The following MYO5A variants were observed in gnomAD, a reference collection of about 807,000 sequenced individuals.
The protein encoded by MYO5A is unconventional myosin-Va.
In MYO5A, 98 loss-of-function variants were observed where a neutral mutation model predicts 249.7. The ratio of observed to expected loss-of-function variants is 0.39; its 90% CI spans 0.33 to 0.46. MYO5A has a LOEUF of 0.46. Ranked by LOEUF, MYO5A falls within the 20% of genes least tolerant of loss-of-function variation. The probability of loss-of-function intolerance (pLI) is 0.98; values close to 1 mark genes in which losing one functional copy is unlikely to be tolerated. For missense variants in MYO5A, 1,696 were observed against 2,308.8 expected (o/e 0.73, Z 5.44); for synonymous variants, 778 against 810.6 (o/e 0.96, Z 0.68).
chr15:52,503,032 C>G (rs55710656), intron 1 of MYO5A, among the ~76,000 whole-genome samples: 22,854 of 152,066 alleles, frequency 0.15, 1,827 homozygotes, highest in Middle Eastern at 0.22. Flanking sequence ...GGCAAGGTAG[C>G]AGGGACGGGG....
intron 24 of MYO5A, among the ~76,000 whole-genome samples, chr15:52,360,850 C>G (rs2040485259): frequency 6.6e-6 from 1 of 152,114 alleles, no homozygotes; most frequent in Non-Finnish European, 1.5e-5. Flanking sequence ...AAAGGCTGGG[C>G]TCTTAGCATG....
At chr15:52,376,019 A>G (rs2041392055) in intron 19 of MYO5A, among the ~76,000 whole-genome samples, 1 of 152,270 alleles carries the variant, frequency 6.6e-6, no homozygotes, top group African/African-American at 2.4e-5. Context: ...CCCAAAAATT[A>G]TACAATGAAG....
At chr15:52,353,839 C>T (rs1346371895) in intron 26 of MYO5A, 32 bp downstream of exon 26, 5 of 1,612,002 alleles carry the variant, frequency 3.1e-6, no homozygotes, top group East Asian at 2.2e-5. Context: ...TAAAGCCCAG[C>T]TTCAGCTCTG....
chr15:52,363,709 C>G (rs2040656823), intron 24 of MYO5A, among the ~76,000 whole-genome samples: 1 of 152,076 alleles, frequency 6.6e-6, no homozygotes, highest in Non-Finnish European at 1.5e-5. Flanking sequence ...AAGGCTGGTA[C>G]TTGTAGGGAT....
intron 1 of MYO5A, among the ~76,000 whole-genome samples, chr15:52,455,723 T>A (rs949735776): frequency 4.6e-5 from 7 of 152,144 alleles, no homozygotes; most frequent in Admixed American, 4.6e-4. Flanking sequence ...TATGATCATT[T>A]TGATACATGT....
At chr15:52,323,310 C>T (rs753901287) in intron 37 of MYO5A, 45 bp downstream of exon 37, 6 of 1,525,164 alleles carry the variant, frequency 3.9e-6, no homozygotes, top group Non-Finnish European at 5.5e-6. Flanking sequence ...TTAAAAAGGT[C>T]AGAGAAAGTA....
intron 22 of MYO5A, among the ~76,000 whole-genome samples, chr15:52,369,834 C>CT (rs914925114): frequency 2.9e-5 from 4 of 138,100 alleles, no homozygotes; most frequent in Non-Finnish European, 4.7e-5. Context: ...CCCAGACTGA[C>CT]TTTTTTTTTA....
Position 52,375,416 on chromosome 15 carries a change from T to G in MYO5A, c.2465A>C (p.Gln822Pro), listed in dbSNP as rs753670387. The G allele has an allele frequency of 6.2e-7, 1 of 1,614,064 alleles. No individual in the cohort carries two copies. The highest frequency in any genetic ancestry group is 2.2e-5 in the East Asian group (1 of 44,880). ...GACCACATACATGCGCCAGTACTTT[T>G]GAATGATGGTTGCTGCCTTGGTTCT... Reference protein sequence around the residue: ...LRRTKAATIIQKYWRMYVVRR... With the variant: ...LRRTKAATIIPKYWRMYVVRR... The change falls in exon 20 of 42, where the codon CAA becomes CCA. Residue 822 changes from glutamine to proline, a missense_variant. By Grantham distance (76) the Gln-to-Pro change is moderately conservative. This residue lies in a region of MYO5A where 412 missense variants were observed against 453.3 expected (regional missense o/e 0.91). Transcript: ENST00000399233.
chr15:52,506,783 C>A (rs1391627349), intron 1 of MYO5A, among the ~76,000 whole-genome samples: 1 of 152,018 alleles, frequency 6.6e-6, no homozygotes, highest in Non-Finnish European at 1.5e-5. Context: ...GGCAGTGAGC[C>A]GAGATTGTGC....
intron 1 of MYO5A, among the ~76,000 whole-genome samples, chr15:52,436,383 C>A (rs1376581719): frequency 3.3e-5 from 5 of 152,214 alleles, no homozygotes; most frequent in African/African-American, 2.4e-5. Context: ...TGTCTCTAGA[C>A]CCTGGCTCTT....
At chr15:52,346,224 A>G in intron 30 of MYO5A, 137 bp downstream of exon 30, 1 of 654,002 alleles carries the variant, frequency 1.5e-6, no homozygotes, top group Non-Finnish European at 2.7e-6. Flanking sequence ...TACACTGGAA[A>G]CCTTGGATTC....
chr15:52,405,823 A>G (rs1005590465), intron 8 of MYO5A, among the ~76,000 whole-genome samples: 1 of 152,262 alleles, frequency 6.6e-6, no homozygotes, highest in African/African-American at 2.4e-5. Context: ...CATCATTGTC[A>G]CACACTGGGT....
intron 34 of MYO5A, among the ~76,000 whole-genome samples, chr15:52,335,587 AACTCTT>A (rs979531168): frequency 6.6e-6 from 1 of 151,750 alleles, no homozygotes; most frequent in African/African-American, 2.4e-5. Context: ...CTGTACCTAT[AACTCTT>A]AACAAATAAA....
At chr15:52,394,779 G>A (rs1303152730) in intron 11 of MYO5A, among the ~76,000 whole-genome samples, 1 of 152,238 alleles carries the variant, frequency 6.6e-6, no homozygotes, top group African/African-American at 2.4e-5. Flanking sequence ...CAATGGGAAA[G>A]AGTGAAAGGC....
In MYO5A at chr15:52,387,901, C is replaced by G; in HGVS notation, c.1680G>C (p.Gln560His). 1 of 1,610,888 alleles carries G rather than the reference C, an allele frequency of 6.2e-7. No homozygotes were observed. Among genetic ancestry groups the G allele is most frequent in the Non-Finnish European group, 8.5e-7 (1 of 1,177,842 alleles). ...IQHFADKVEYQCEGFLEKNKD... is the reference protein window; with the variant it reads ...IQHFADKVEYHCEGFLEKNKD... ...TATTCTTTTCGAGAAATCCTTCACACTGGTATTCCACCTGAAAACACATGG... is the reference window on the plus strand; with the variant it reads ...TATTCTTTTCGAGAAATCCTTCACAGTGGTATTCCACCTGAAAACACATGG... Residue 560 changes from glutamine (Q) to histidine (H), a missense_variant, in exon 14 of 42, where the codon CAG becomes CAC. Coordinates refer to ENST00000399233, the MANE Select transcript of MYO5A (RefSeq NM_001382347.1).
At chr15:52,347,247 T>C (rs964849695) in intron 29 of MYO5A, among the ~76,000 whole-genome samples, 1 of 152,186 alleles carries the variant, frequency 6.6e-6, no homozygotes, top group African/African-American at 2.4e-5. Context: ...GAGATAAGAA[T>C]CACTGCTGGC....
intron 1 of MYO5A, among the ~76,000 whole-genome samples, chr15:52,450,892 G>C: frequency 7.8e-6 from 1 of 128,050 alleles, no homozygotes; most frequent in Non-Finnish European, 1.6e-5. Flanking sequence ...CTGTTGCCCA[G>C]GCTGGATTGC....
intron 1 of MYO5A, among the ~76,000 whole-genome samples, chr15:52,446,790 G>T (rs976905134): frequency 6.6e-6 from 1 of 152,186 alleles, no homozygotes; most frequent in African/African-American, 2.4e-5. Flanking sequence ...AGTCAAACAG[G>T]ATTATCTTGG....
chr15:52,386,812 T>A (rs1426944078), intron 14 of MYO5A, among the ~76,000 whole-genome samples: 1 of 152,186 alleles, frequency 6.6e-6, no homozygotes, highest in Non-Finnish European at 1.5e-5. Context: ...CCTCCCAAAG[T>A]GCTGGGATTA....
Sources: allele counts gnomAD v4.1 joint callset (sites outside exome capture counted in the v4.1 genomes callset), GRCh38; gene constraint gnomAD v4.1.1; regional missense constraint gnomAD v4.1.1; transcripts MANE v1.5; gene names NCBI Gene and HGNC (gene_info 2026-07-23, HGNC 2026-07-21).